THSD4: variants seen among roughly 807,000 people sequenced by gnomAD.
The protein encoded by THSD4 is thrombospondin type 1 domain containing 4, also known as thrombospondin type-1 domain-containing protein 4.
A neutral mutation model predicts 119.0 loss-of-function variants in THSD4; 69 were observed. The ratio of observed to expected loss-of-function variants is 0.58; its 90% CI spans 0.48 to 0.71. THSD4 has a LOEUF of 0.71. THSD4 is among the 30% of genes least tolerant of loss of function. The probability of loss-of-function intolerance (pLI) is 0.00; values close to 1 mark genes in which losing one functional copy is unlikely to be tolerated. For missense variants in THSD4, 1,393 were observed against 1,391.1 expected, an observed-to-expected ratio of 1.00 and a Z score of -0.02; for synonymous variants, 524 against 540.4, an observed-to-expected ratio of 0.97 and a Z score of 0.42.
chr15:71,390,625 A>G (rs2140467461), intron 6 of THSD4, among the ~76,000 whole-genome samples: 1 of 152,024 alleles, frequency 6.6e-6, no homozygotes, highest in East Asian at 1.9e-4. Context: ...TCGTGTCTGC[A>G]TTTGTCAGAG....
chr15:71,141,019 C>T (rs1033707764), intron 1 of THSD4, among the ~76,000 whole-genome samples: 1 of 152,206 alleles, frequency 6.6e-6, no homozygotes, highest in Non-Finnish European at 1.5e-5. Flanking sequence ...CCCATTGTAG[C>T]GTGTATGAGT....
chr15:71,567,531 G>A (rs765587590), intron 7 of THSD4, among the ~76,000 whole-genome samples: 1 of 151,906 alleles, frequency 6.6e-6, no homozygotes, highest in Non-Finnish European at 1.5e-5. Context: ...ATTGTTAGTT[G>A]AGTACCGCTA....
At chr15:71,227,720 A>C (rs1465967220) in intron 4 of THSD4, among the ~76,000 whole-genome samples, 1 of 152,066 alleles carries the variant, frequency 6.6e-6, no homozygotes, top group Non-Finnish European at 1.5e-5. Context: ...GGGTTCCCTG[A>C]CTCTAACATC....
intron 10 of THSD4, among the ~76,000 whole-genome samples, chr15:71,736,477 C>T (rs2053111142): frequency 6.6e-6 from 1 of 151,898 alleles, no homozygotes; most frequent in African/African-American, 2.4e-5. Context: ...CTGTCTCTCT[C>T]ACTCTCTGTC....
At position 71,422,441 on chromosome 15, in the gene THSD4, T is replaced by C. The variant is rs186447521; in HGVS notation, c.1152+10618T>C. Among the ~76,000 whole-genome samples the C allele has an allele frequency of 1.6e-3, 239 of 152,322 alleles. 1 individual carries two copies. The highest frequency in any genetic ancestry group is 5.6e-3 in the African/African-American group (232 of 41,560). On this transcript the variant is annotated intron_variant, in intron 7 of 17. Transcript: ENST00000261862. ...TAATGCTGTGGCTCTTGCAGACTCA[T>C]AGAGGTGCCACCTTGGTGGTCTTAA...
intron 6 of THSD4, among the ~76,000 whole-genome samples, chr15:71,335,630 C>G (rs10518948): frequency 0.094 from 14,239 of 152,062 alleles, 928 homozygotes; most frequent in African/African-American, 0.19. Context: ...TTTACCATCT[C>G]TAACTAAATG....
intron 6 of THSD4, among the ~76,000 whole-genome samples, chr15:71,299,976 A>ATATATATATATATATATATATATAT (rs1555462048): frequency 2.1e-5 from 1 of 48,310 alleles, no homozygotes; most frequent in African/African-American, 7.7e-5. Flanking sequence ...AAAAAAAAAA[A>ATATATATATATATATATATATATAT]ATATATATAT....
At chr15:71,230,774 G>A (rs555468430) in intron 4 of THSD4, among the ~76,000 whole-genome samples, 24 of 152,258 alleles carry the variant, frequency 1.6e-4, no homozygotes, top group Middle Eastern at 6.8e-3. Context: ...AATCATCTTT[G>A]CTCTGAGCTA....
chr15:71,527,904 T>G (rs28634541), intron 7 of THSD4, among the ~76,000 whole-genome samples: 9,247 of 151,680 alleles, frequency 0.061, 915 homozygotes, highest in African/African-American at 0.21. Context: ...GTAGAGACAG[T>G]GTCTTGCCAT....
At chr15:71,367,127 A>ACAAC (rs2045975533) in intron 6 of THSD4, among the ~76,000 whole-genome samples, 2 of 152,210 alleles carry the variant, frequency 1.3e-5, no homozygotes, top group Admixed American at 1.3e-4. Flanking sequence ...GAACACAGGA[A>ACAAC]CAACCCATTG....
At chr15:71,291,672 A>G (rs1376781220) in intron 6 of THSD4, among the ~76,000 whole-genome samples, 1 of 152,158 alleles carries the variant, frequency 6.6e-6, no homozygotes, top group African/African-American at 2.4e-5. Context: ...AACACCCTCA[A>G]AGACACACAT....
At chr15:71,711,455 C>G (rs1395580138) in intron 8 of THSD4, among the ~76,000 whole-genome samples, 2 of 151,464 alleles carry the variant, frequency 1.3e-5, no homozygotes, top group Non-Finnish European at 2.9e-5. Context: ...AGAGATATGA[C>G]CAACATGCAA....
At chr15:71,698,846 T>C (rs1279239206) in intron 8 of THSD4, among the ~76,000 whole-genome samples, 1 of 151,810 alleles carries the variant, frequency 6.6e-6, no homozygotes, top group African/African-American at 2.4e-5. Context: ...TGATACCACT[T>C]ATATGAGGAA....
At chr15:71,273,321 T>C (rs1445007252) in intron 6 of THSD4, among the ~76,000 whole-genome samples, 2 of 152,166 alleles carry the variant, frequency 1.3e-5, no homozygotes, top group Non-Finnish European at 2.9e-5. Flanking sequence ...GATCTCACTT[T>C]TATGTGGAAT....
chr15:71,673,455 A>AT (rs1237837168), intron 8 of THSD4, among the ~76,000 whole-genome samples: 1 of 152,002 alleles, frequency 6.6e-6, no homozygotes, highest in East Asian at 1.9e-4. Context: ...GGATTCATTG[A>AT]TTTTTTTGAA....
At chr15:71,199,758 ATG>A (rs2043771129) in intron 3 of THSD4, among the ~76,000 whole-genome samples, 8 of 33,084 alleles carry the variant, frequency 2.4e-4, no homozygotes, top group Admixed American at 6.3e-4. Context: ...GGTGTGTGTG[ATG>A]TGTGTGGTGT....
intron 7 of THSD4, among the ~76,000 whole-genome samples, chr15:71,643,930 G>A (rs2140968540): frequency 6.6e-6 from 1 of 152,316 alleles, no homozygotes; most frequent in African/African-American, 2.4e-5. Flanking sequence ...ATGCAGAGAT[G>A]TCTGGTGTGT....
At chr15:71,684,872 A>G (rs1051529777) in intron 8 of THSD4, among the ~76,000 whole-genome samples, 2 of 152,080 alleles carry the variant, frequency 1.3e-5, no homozygotes, top group African/African-American at 4.8e-5. Flanking sequence ...GCACTAGAAT[A>G]TTTTTGGAAG....
intron 1 of THSD4, among the ~76,000 whole-genome samples, chr15:71,101,055 TTAGA>T (rs2040251806): frequency 1.3e-5 from 2 of 152,098 alleles, no homozygotes; most frequent in South Asian, 4.1e-4. Context: ...ATGTTTGTAC[TTAGA>T]TCACCATTTT....
Sources: allele counts gnomAD v4.1 joint callset (sites outside exome capture counted in the v4.1 genomes callset), GRCh38; gene constraint gnomAD v4.1.1; transcripts MANE v1.5; gene names NCBI Gene and HGNC (gene_info 2026-07-23, HGNC 2026-07-21).